The following SLC12A2 variants were observed in gnomAD, a reference collection of about 807,000 sequenced individuals.
SLC12A2 encodes Na-K-2Cl cotransporter 1.
SLC12A2 carries 67 observed loss-of-function variants against 136.3 expected under a neutral mutation model. The observed-to-expected ratio is 0.49, with a 90% CI of 0.40 to 0.60. The LOEUF (loss-of-function observed/expected upper bound fraction) is 0.60, where lower values mean the gene tolerates loss of function less well. Ranked by LOEUF, SLC12A2 falls within the 20% of genes least tolerant of loss-of-function variation. The pLI is 0.00. For synonymous variants in SLC12A2, 619 were observed against 562.9 expected (o/e 1.10, Z -1.41); for missense variants, 1,322 against 1,534.7 (o/e 0.86, Z 2.32).
chr5:128,114,588 C>T lies in SLC12A2; in HGVS notation c.955C>T (p.Leu319=). ...SWIVGQAGIG[L]SVLVIMMATV... is the part of the protein sequence containing the mutation. The stretch of plus-strand genomic sequence containing the variant: ...ATTGTCTTTCTTTCTTCGTAAAGGT[C>T]TATCAGTCCTTGTAATAATGATGGC... Residue 319 remains leucine, a splice_region_variant and synonymous_variant, in exon 4 of 27, where the codon CTA becomes TTA. Transcript: ENST00000262461. The T allele has an allele frequency of 6.3e-7, 1 of 1,598,756 alleles. No homozygotes were observed. The highest frequency in any genetic ancestry group is 8.6e-7 in the Non-Finnish European group (1 of 1,166,430).
intron 26 of SLC12A2, among the ~76,000 whole-genome samples, chr5:128,185,707 T>C (rs1305739413): frequency 1.3e-5 from 2 of 152,176 alleles, no homozygotes; most frequent in African/African-American, 4.8e-5. Flanking sequence ...GCTTCTGTTT[T>C]CTAAATTTTG....
At chr5:128,151,418 T>C in intron 14 of SLC12A2, 22 bp downstream of exon 14, 1 of 1,593,532 alleles carries the variant, frequency 6.3e-7, no homozygotes, top group Non-Finnish European at 8.5e-7. Context: ...TTTTTGTTTA[T>C]ATCCCAAGCT....
chr5:128,158,283 A>G (rs962621795), intron 16 of SLC12A2, 119 bp downstream of exon 16: 3 of 736,906 alleles, frequency 4.1e-6, no homozygotes, highest in African/African-American at 3.6e-5. Flanking sequence ...TTTGGTGTAC[A>G]GATTGTTTTG....
chr5:128,126,951 T>TA (rs1464442746), intron 4 of SLC12A2, among the ~76,000 whole-genome samples: 1 of 31,428 alleles, frequency 3.2e-5, no homozygotes, highest in African/African-American at 2.5e-4. Context: ...CATATATATA[T>TA]ATATATATAT....
chr5:128,127,270 C>T (rs1293702598), intron 4 of SLC12A2, among the ~76,000 whole-genome samples: 6 of 151,126 alleles, frequency 4.0e-5, no homozygotes, highest in South Asian at 4.2e-4. Flanking sequence ...TACAGGCACC[C>T]GCCACCACGC....
Position 128,186,598 on chromosome 5 carries a change from G to C in SLC12A2, c.3606G>C (p.Gly1202=). The C allele has an allele frequency of 6.2e-7, 1 of 1,613,908 alleles. No individual in the cohort carries two copies. The highest frequency in any genetic ancestry group is 8.5e-7 in the Non-Finnish European group (1 of 1,179,926). Residue 1202 remains glycine, a synonymous_variant, in exon 27 of 27, where the codon GGG becomes GGC. Coordinates refer to ENST00000262461, the MANE Select transcript of SLC12A2 (RefSeq NM_001046.3). ...TACCACCAATCCTCCTAGTTCGTGG[G>C]AATCATCAGAGTGTCCTTACCTTCT... ...KDLPPILLVR[G]NHQSVLTFYS
rs957313136 is a variant in SLC12A2, at chr5:128,187,851, C to A, written c.*1220C>A. The A allele has an allele frequency of 1.3e-5, 2 of 152,502 alleles. No homozygotes were observed. Among genetic ancestry groups the A allele is most frequent in the African/African-American group, 4.8e-5 (2 of 41,412 alleles). 9.4% of individuals were successfully genotyped at this position (152,502 alleles called of 1,614,324 possible). A position where few individuals can be genotyped will look rare whatever the true frequency, so the allele number is the denominator to read the frequency against. ...ACATCATAGTCTAGTAAAATTTTGACAGTGCATATGTACTGTTACTAAAAG... is the reference window on the plus strand; with the variant it reads ...ACATCATAGTCTAGTAAAATTTTGAAAGTGCATATGTACTGTTACTAAAAG... On this transcript the variant is annotated 3_prime_UTR_variant, in exon 27 of 27. Transcript: ENST00000262461.
At chr5:128,163,282 A>T (rs557127704) in intron 17 of SLC12A2, among the ~76,000 whole-genome samples, 34 of 152,270 alleles carry the variant, frequency 2.2e-4, no homozygotes, top group African/African-American at 7.2e-4. Context: ...TAATCTTAGC[A>T]CTTTGGGAGA....
intron 1 of SLC12A2, among the ~76,000 whole-genome samples, chr5:128,085,460 C>T (rs777456412): frequency 2.0e-5 from 3 of 152,170 alleles, no homozygotes; most frequent in Non-Finnish European, 2.9e-5. Context: ...AGCAGTTACA[C>T]TTTGTAAACA....
intron 1 of SLC12A2, among the ~76,000 whole-genome samples, chr5:128,104,450 A>G (rs1199360619): frequency 3.3e-5 from 5 of 152,056 alleles, no homozygotes; most frequent in Admixed American, 2.0e-4. Context: ...CCAGGCCAAC[A>G]TGGTGAAACC....
intron 4 of SLC12A2, among the ~76,000 whole-genome samples, chr5:128,123,715 T>G (rs1761675829): frequency 6.6e-6 from 1 of 152,188 alleles, no homozygotes; most frequent in African/African-American, 2.4e-5. Flanking sequence ...TGATTTATAG[T>G]TTTTTTGTCT....
At chr5:128,114,814 G>A (rs1023231399) in intron 4 of SLC12A2, 133 bp downstream of exon 4, 8 of 595,616 alleles carry the variant, frequency 1.3e-5, no homozygotes, top group Middle Eastern at 4.5e-4. Context: ...AGTTGCTACC[G>A]AGCACTTCCA....
At chr5:128,120,090 C>T (rs1239722052) in intron 4 of SLC12A2, among the ~76,000 whole-genome samples, 1 of 151,938 alleles carries the variant, frequency 6.6e-6, no homozygotes, top group Non-Finnish European at 1.5e-5. Flanking sequence ...TTTATGCAGC[C>T]AAAAGACACA....
intron 9 of SLC12A2, among the ~76,000 whole-genome samples, chr5:128,141,272 A>G (rs191685204): frequency 2.3e-3 from 346 of 152,294 alleles, no homozygotes; most frequent in Non-Finnish European, 4.0e-3. Context: ...ACTCTGCTCT[A>G]TGGGTTCTTT....
rs142973248 is a variant in SLC12A2, at chr5:128,169,323, C to CT, written c.2723+1457dup. 398 of 152,240 alleles carry CT rather than the reference C, an allele frequency of 2.6e-3. 2 individuals are homozygous for CT. The highest frequency in any genetic ancestry group is 9.2e-3 in the African/African-American group (382 of 41,554). 9.4% of individuals were successfully genotyped at this position (152,240 alleles called of 1,614,324 possible). On this transcript the variant is annotated intron_variant, in intron 18 of 26. Coordinates refer to ENST00000262461, the MANE Select transcript of SLC12A2 (RefSeq NM_001046.3). ...TTGATCTGATCACCCTTTTTTCTCA[C>CT]TGGAGTTACTTCCTTACTGGAACTC...
chr5:128,112,154 C>CAAAG (rs1761171644), intron 1 of SLC12A2, among the ~76,000 whole-genome samples: 1 of 151,928 alleles, frequency 6.6e-6, no homozygotes, highest in Non-Finnish European at 1.5e-5. Context: ...AGTTAGAGAA[C>CAAAG]AAAGAATTAT....
At chr5:128,113,033 C>T (rs1434940774) in intron 2 of SLC12A2, 100 bp downstream of exon 2, 1 of 1,046,160 alleles carries the variant, frequency 9.6e-7, no homozygotes, top group Non-Finnish European at 1.3e-6. Context: ...CTTTTTTTCT[C>T]TATGTTAACT....
intron 22 of SLC12A2, among the ~76,000 whole-genome samples, chr5:128,179,685 G>A (rs1233626786): frequency 6.6e-6 from 1 of 151,864 alleles, no homozygotes; most frequent in East Asian, 1.9e-4. Context: ...TAAATCACCC[G>A]GTCTCATGAG....
intron 1 of SLC12A2, among the ~76,000 whole-genome samples, chr5:128,092,320 G>A (rs1471836751): frequency 6.6e-6 from 1 of 152,000 alleles, no homozygotes; most frequent in Non-Finnish European, 1.5e-5. Flanking sequence ...TGAGAGGAAG[G>A]GGGTGATTAA....
Sources: gnomAD v4.1 joint callset for allele counts (sites outside exome capture counted in the v4.1 genomes callset) on GRCh38, gnomAD v4.1.1 for gene constraint, MANE v1.5 for transcripts, NCBI Gene and HGNC (gene_info 2026-07-23, HGNC 2026-07-21) for gene names.